Variants in PLCE1 observed in about 807,000 individuals in gnomAD.
PLCE1 encodes the protein phospholipase C epsilon 1.
In PLCE1, 119 loss-of-function variants were observed where a neutral mutation model predicts 242.8. The observed-to-expected ratio is 0.49, with a 90% CI of 0.42 to 0.57. PLCE1 has a LOEUF of 0.57. Ranked by LOEUF, PLCE1 falls within the 20% of genes least tolerant of loss-of-function variation. PLCE1 has a pLI of 0.00. For missense variants in PLCE1, 2,441 were observed against 2,788.8 expected, an observed-to-expected ratio of 0.88 and a Z score of 2.81; for synonymous variants, 945 against 1,017.4, an observed-to-expected ratio of 0.93 and a Z score of 1.35.
intron 2 of PLCE1, among the ~76,000 whole-genome samples, chr10:94,074,190 T>C (rs1256103812): frequency 6.7e-6 from 1 of 149,032 alleles, no homozygotes; most frequent in Non-Finnish European, 1.5e-5. Context: ...AGCAGTTCTT[T>C]TTTTTTTTTT....
rs755150417 is a variant in PLCE1, at chr10:94,316,581, C to G, written c.6167C>G (p.Thr2056Ser). ...LTNEQDIKPV[T>S]TDYFLMEEKY... ...AATGAACAAGACATCAAACCTGTTACCACAGACTATTTTTTGATGGAAGAA... is the reference window on the plus strand; with the variant it reads ...AATGAACAAGACATCAAACCTGTTAGCACAGACTATTTTTTGATGGAAGAA... The change falls in exon 29 of 33, where the codon ACC (threonine) becomes AGC (serine). Residue 2056 changes from threonine to serine, a missense_variant. By Grantham distance (58) the Thr-to-Ser change is moderately conservative (BLOSUM62 1). Transcript: ENST00000371380. 1.2e-6 allele frequency: 2 copies of G among 1,608,652 alleles called. No homozygotes were observed. The highest frequency in any genetic ancestry group is 1.3e-5 in the African/African-American group (1 of 74,754).
At chr10:94,154,636 T>C (rs545199980) in intron 3 of PLCE1, among the ~76,000 whole-genome samples, 62 of 152,060 alleles carry the variant, frequency 4.1e-4, no homozygotes, top group Admixed American at 1.6e-3. Flanking sequence ...AATTCAAAAA[T>C]GGGCAAAGGA....
chr10:94,113,876 T>C (rs534832464), intron 2 of PLCE1, among the ~76,000 whole-genome samples: 7 of 152,124 alleles, frequency 4.6e-5, no homozygotes, highest in Non-Finnish European at 1.0e-4. Context: ...AGGAACTCCC[T>C]TGACCATGCT....
chr10:94,113,657 G>T (rs1164746244), intron 2 of PLCE1, among the ~76,000 whole-genome samples: 3 of 152,192 alleles, frequency 2.0e-5, no homozygotes, highest in Non-Finnish European at 4.4e-5. Flanking sequence ...AGAAGTAACT[G>T]CCCTAAGGTC....
chr10:94,004,685 T>C (rs2061000861), intron 1 of PLCE1, among the ~76,000 whole-genome samples: 1 of 152,192 alleles, frequency 6.6e-6, no homozygotes, highest in Non-Finnish European at 1.5e-5. Flanking sequence ...TTTTGGACTT[T>C]TTTTCAACCA....
chr10:94,117,800 A>C (rs558479524), intron 2 of PLCE1, among the ~76,000 whole-genome samples: 1 of 152,304 alleles, frequency 6.6e-6, no homozygotes, highest in East Asian at 1.9e-4. Context: ...GAATGCACCC[A>C]ATTGTTTAGA....
At chr10:94,047,284 G>C (rs1002651495) in intron 2 of PLCE1, among the ~76,000 whole-genome samples, 1 of 152,136 alleles carries the variant, frequency 6.6e-6, no homozygotes, top group Non-Finnish European at 1.5e-5. Flanking sequence ...GTCTTAGAAG[G>C]CTTCATGGGA....
intron 1 of PLCE1, among the ~76,000 whole-genome samples, chr10:93,999,616 T>G (rs1277197854): frequency 2.0e-5 from 3 of 152,204 alleles, no homozygotes; most frequent in Non-Finnish European, 4.4e-5. Context: ...ACTGTTGCCA[T>G]CTCCTAGACT....
chr10:94,129,076 G>A (rs1475199271), intron 2 of PLCE1, among the ~76,000 whole-genome samples: 1 of 152,200 alleles, frequency 6.6e-6, no homozygotes, highest in African/African-American at 2.4e-5. Context: ...CCTACATTAG[G>A]CACTTGTTGG....
At chr10:94,316,213 T>C (rs112373640) in intron 28 of PLCE1, among the ~76,000 whole-genome samples, 3 of 152,312 alleles carry the variant, frequency 2.0e-5, no homozygotes, top group African/African-American at 7.2e-5. Context: ...ACTAGGTTAT[T>C]TGCCCTCAGT....
intron 7 of PLCE1, among the ~76,000 whole-genome samples, chr10:94,242,675 T>G (rs948490682): frequency 7.9e-5 from 12 of 152,082 alleles, no homozygotes; most frequent in African/African-American, 2.7e-4. Context: ...GAGAGGCTGA[T>G]TCGAGGACTG....
intron 1 of PLCE1, among the ~76,000 whole-genome samples, chr10:93,998,363 G>A (rs1181153945): frequency 6.6e-6 from 1 of 152,032 alleles, no homozygotes; most frequent in Admixed American, 6.5e-5. Context: ...GCAGCCAGGG[G>A]GCATGTATAC....
At chr10:94,170,970 G>A (rs916020586) in intron 3 of PLCE1, among the ~76,000 whole-genome samples, 4 of 152,120 alleles carry the variant, frequency 2.6e-5, no homozygotes, top group Admixed American at 6.5e-5. Flanking sequence ...CACCACCACC[G>A]CCACTCCACC....
intron 1 of PLCE1, among the ~76,000 whole-genome samples, chr10:94,018,116 G>A (rs1376150210): frequency 6.6e-6 from 1 of 152,160 alleles, no homozygotes; most frequent in Admixed American, 6.5e-5. Flanking sequence ...TTAGCAAATA[G>A]GTGTGCTGAT....
intron 2 of PLCE1, among the ~76,000 whole-genome samples, chr10:94,089,528 T>C (rs1306232982): frequency 2.0e-5 from 3 of 152,238 alleles, no homozygotes; most frequent in Non-Finnish European, 2.9e-5. Flanking sequence ...TTTCTTTCCT[T>C]GTTAAGAAAG....
chr10:94,107,312 C>T (rs10882393), intron 2 of PLCE1, among the ~76,000 whole-genome samples: 132,056 of 152,042 alleles, frequency 0.87, 59,165 homozygotes, highest in Non-Finnish European at 0.97. Context: ...AAAGGCAAGA[C>T]GTTGCTGAAC....
At chr10:94,228,573 T>C (rs932916136) in intron 5 of PLCE1, among the ~76,000 whole-genome samples, 1 of 152,152 alleles carries the variant, frequency 6.6e-6, no homozygotes, top group Non-Finnish European at 1.5e-5. Flanking sequence ...CTCATGAGGG[T>C]TCTCACTATA....
intron 2 of PLCE1, among the ~76,000 whole-genome samples, chr10:94,064,972 G>A (rs1338098174): frequency 6.6e-6 from 1 of 152,152 alleles, no homozygotes; most frequent in Non-Finnish European, 1.5e-5. Context: ...CTCATTCTTT[G>A]TTCTAAACTC....
In PLCE1 at chr10:94,031,869, A is replaced by G. The variant is rs201683279; in HGVS notation, c.823A>G (p.Met275Val). 4 of 1,613,894 alleles carry G rather than the reference A, an allele frequency of 2.5e-6. No homozygotes were observed. The highest frequency in any genetic ancestry group is 2.2e-5 in the East Asian group (1 of 44,866). The change falls in exon 2 of 33, where the codon ATG (methionine) becomes GTG (valine). Residue 275 changes from methionine (M) to valine (V), a missense_variant. Physicochemically the swap from Met to Val is conservative, Grantham distance 21. This residue lies in a region of PLCE1 where 393 missense variants were observed against 378.5 expected (regional missense o/e 1.04). Transcript: ENST00000371380. The part of the protein sequence containing the change: ...CFEGSCEKVD[M>V]VYSGDSFCRK... Reference sequence around the variant, plus strand: ...TGAAGGCTCTTGTGAGAAGGTTGACATGGTATATTCAGGTGATAGCTTTTG... The same window carrying G: ...TGAAGGCTCTTGTGAGAAGGTTGACGTGGTATATTCAGGTGATAGCTTTTG...
Sources: allele counts gnomAD v4.1 joint callset (sites outside exome capture counted in the v4.1 genomes callset), GRCh38; gene constraint gnomAD v4.1.1; regional missense constraint gnomAD v4.1.1; transcripts MANE v1.5; gene names NCBI Gene and HGNC (gene_info 2026-07-23, HGNC 2026-07-21).